The following QRFPR variants were observed in gnomAD, a reference collection of about 807,000 sequenced individuals.
The protein encoded by QRFPR is pyroglutamylated RFamide peptide receptor.
QRFPR carries 37 observed loss-of-function variants against 31.3 expected under a neutral mutation model. The observed-to-expected ratio is 1.18, with a 90% CI of 0.91 to 1.56. The LOEUF (loss-of-function observed/expected upper bound fraction) is 1.56, where lower values mean the gene tolerates loss of function less well. Among genes scored for constraint, QRFPR ranks in the 40% most tolerant of loss-of-function variants. QRFPR has a pLI of 0.00. For synonymous variants in QRFPR, 197 were observed against 192.0 expected (o/e 1.03, Z -0.22); for missense variants, 542 against 532.5 (o/e 1.02, Z -0.18).
intron 1 of QRFPR, among the ~76,000 whole-genome samples, chr4:121,344,701 A>G (rs994170001): frequency 3.3e-5 from 5 of 152,198 alleles, no homozygotes; most frequent in African/African-American, 1.2e-4. Context: ...GACTAAAACA[A>G]AATAAACACT....
intron 3 of QRFPR, among the ~76,000 whole-genome samples, chr4:121,335,583 GGT>G (rs145941752): frequency 0.22 from 18,012 of 81,358 alleles, 1,888 homozygotes; most frequent in Non-Finnish European, 0.29. Context: ...GGGGGTGGGG[GGT>G]GGGGCGGGGA....
chr4:121,359,789 G>GTA (rs147439780), intron 1 of QRFPR, among the ~76,000 whole-genome samples: 42,572 of 150,472 alleles, frequency 0.28, 6,404 homozygotes, highest in Middle Eastern at 0.38. Flanking sequence ...GTGTGTGTGT[G>GTA]TATATGTGTG....
intron 1 of QRFPR, among the ~76,000 whole-genome samples, chr4:121,341,393 C>T (rs1423982424): frequency 3.9e-5 from 6 of 152,296 alleles, no homozygotes; most frequent in African/African-American, 1.4e-4. Flanking sequence ...TTGGAAGACT[C>T]ATCAGAGGTT....
chr4:121,363,890 G>A (rs1726035691), intron 1 of QRFPR, among the ~76,000 whole-genome samples: 1 of 148,872 alleles, frequency 6.7e-6, no homozygotes, highest in South Asian at 2.1e-4. Context: ...AGACTGAATT[G>A]AAGGAGAAAG....
At position 121,380,658 on chromosome 4, in the gene QRFPR, T is replaced by C; in HGVS notation, c.-11A>G. 1 of 1,497,692 alleles carries C rather than the reference T, an allele frequency of 6.7e-7. No homozygotes were observed. The highest frequency in any genetic ancestry group is 8.9e-7 in the Non-Finnish European group (1 of 1,119,420). 92.8% of individuals were successfully genotyped at this position (1,497,692 alleles called of 1,614,324 possible). On this transcript the variant is annotated 5_prime_UTR_variant, in exon 1 of 6. Coordinates refer to ENST00000394427, the MANE Select transcript of QRFPR (RefSeq NM_198179.3). The stretch of plus-strand genomic sequence containing the variant: ...GTTAAGCGCCTGCATTGCTGTGCGC[T>C]CCCGGGACGCGGGGCCACCGCCCGC...
At chr4:121,376,092 G>A (rs1472496345) in intron 1 of QRFPR, among the ~76,000 whole-genome samples, 1 of 152,188 alleles carries the variant, frequency 6.6e-6, no homozygotes, top group African/African-American at 2.4e-5. Context: ...GTCTAGCCCA[G>A]TAAATCAGAG....
intron 1 of QRFPR, among the ~76,000 whole-genome samples, chr4:121,365,950 G>A (rs1489258165): frequency 2.0e-5 from 3 of 147,514 alleles, no homozygotes; most frequent in African/African-American, 5.1e-5. Flanking sequence ...TTGCGGGCTG[G>A]GTTACTTATA....
rs1429983623 is a variant in QRFPR at position 121,380,749 on chromosome 4, C to T, written c.-102G>A. Reference sequence around the variant, plus strand: ...CGGGGGACCAGCCGGAGGCCGCCTCCCTTCCTCTACTCTGGAGTCAGCCGC... The same window carrying T: ...CGGGGGACCAGCCGGAGGCCGCCTCTCTTCCTCTACTCTGGAGTCAGCCGC... On this transcript the variant is annotated 5_prime_UTR_variant, in exon 1 of 6. Coordinates refer to ENST00000394427, the MANE Select transcript of QRFPR (RefSeq NM_198179.3). The T allele has an allele frequency of 8.9e-7, 1 of 1,124,604 alleles. No homozygotes were observed. Among genetic ancestry groups the T allele is most frequent in the African/African-American group, 1.6e-5 (1 of 63,462 alleles). 69.7% of individuals were successfully genotyped at this position (1,124,604 alleles called of 1,614,324 possible).
intron 1 of QRFPR, among the ~76,000 whole-genome samples, chr4:121,344,844 T>A (rs547763015): frequency 1.3e-5 from 2 of 152,340 alleles, no homozygotes; most frequent in Admixed American, 1.3e-4. Flanking sequence ...TTTCCCAATG[T>A]GAATTGTATG....
intron 1 of QRFPR, among the ~76,000 whole-genome samples, chr4:121,365,554 TATA>T (rs1560743698): frequency 9.6e-4 from 3 of 3,134 alleles, no homozygotes; most frequent in African/African-American, 1.9e-3. Context: ...ATATATAATA[TATA>T]ATATATATTA....
At chr4:121,370,734 A>G (rs1292736253) in intron 1 of QRFPR, among the ~76,000 whole-genome samples, 3 of 152,236 alleles carry the variant, frequency 2.0e-5, no homozygotes, top group Non-Finnish European at 2.9e-5. Context: ...ATTTTCATAC[A>G]TGTATTAAAG....
At chr4:121,333,133 A>G in intron 3 of QRFPR, 77 bp from the exon 4 acceptor site, 1 of 886,200 alleles carries the variant, frequency 1.1e-6, no homozygotes. Flanking sequence ...TATTATTGCA[A>G]CACAACATTT....
At chr4:121,378,431 G>A (rs1263603094) in intron 1 of QRFPR, among the ~76,000 whole-genome samples, 1 of 40,488 alleles carries the variant, frequency 2.5e-5, no homozygotes, top group African/African-American at 9.5e-5. Context: ...TTTTTTTTTT[G>A]AGACGGAGTC....
At chr4:121,341,594 CAT>C (rs1450313983) in intron 1 of QRFPR, among the ~76,000 whole-genome samples, 1 of 152,188 alleles carries the variant, frequency 6.6e-6, no homozygotes, top group African/African-American at 2.4e-5. Flanking sequence ...CATCTTCCCT[CAT>C]GTGACAAATC....
chr4:121,355,010 G>A (rs1725838020), intron 1 of QRFPR, among the ~76,000 whole-genome samples: 1 of 152,018 alleles, frequency 6.6e-6, no homozygotes, highest in African/African-American at 2.4e-5. Context: ...GCTAATCAAG[G>A]ATATTGGCCT....
intron 1 of QRFPR, among the ~76,000 whole-genome samples, chr4:121,347,439 T>C (rs1012217842): frequency 6.6e-6 from 1 of 152,158 alleles, no homozygotes; most frequent in South Asian, 2.1e-4. Context: ...TGGTTCACTT[T>C]TGTCATTTCC....
chr4:121,336,994 T>G (rs2302308), intron 2 of QRFPR, 126 bp from the exon 3 acceptor site: 71,808 of 825,356 alleles, frequency 0.087, 3,594 homozygotes, highest in Middle Eastern at 0.099. Flanking sequence ...AGTGCCATGG[T>G]CTCCCCCAAG....
In QRFPR at chr4:121,335,582, GGGT is replaced by G. The variant is rs202064196; in HGVS notation, c.561+1222_561+1224del. Among the ~76,000 whole-genome samples, 489 of 74,304 alleles carry G rather than the reference GGGT, an allele frequency of 6.6e-3. 15 individuals are homozygous for G. Among genetic ancestry groups the G allele is most frequent in the African/African-American group, 0.016 (428 of 26,014 alleles). The allele number at this position is 74,304 out of a possible 152,430, so 48.7% of individuals were successfully genotyped here. A position where few individuals can be genotyped will look rare whatever the true frequency, so the allele number is the denominator to read the frequency against. On this transcript the variant is annotated intron_variant, in intron 3 of 5. Coordinates refer to ENST00000394427, the MANE Select transcript of QRFPR (RefSeq NM_198179.3). ...GGCAGCCAATTGTATGGGGGGTGGG[GGGT>G]GGGGCGGGGAGAGGAGTGGGGCAGG...
intron 1 of QRFPR, among the ~76,000 whole-genome samples, chr4:121,357,861 G>C (rs987795755): frequency 6.6e-6 from 1 of 152,132 alleles, no homozygotes; most frequent in Non-Finnish European, 1.5e-5. Flanking sequence ...GGGGCTTCAG[G>C]GGGAGAGGAT....
Sources: allele counts gnomAD v4.1 joint callset (sites outside exome capture counted in the v4.1 genomes callset), GRCh38; gene constraint gnomAD v4.1.1; transcripts MANE v1.5; gene names NCBI Gene and HGNC (gene_info 2026-07-23, HGNC 2026-07-21).